The following KCNQ3 variants were observed in gnomAD, a reference collection of about 807,000 sequenced individuals.
KCNQ3 encodes potassium voltage-gated channel subfamily KQT member 3.
Under a neutral mutation model 92.5 loss-of-function variants are expected in KCNQ3, and 30 were observed. The ratio of observed to expected loss-of-function variants is 0.32; its 90% CI spans 0.24 to 0.44. The LOEUF (loss-of-function observed/expected upper bound fraction) is 0.44, where lower values mean the gene tolerates loss of function less well. Among genes scored for constraint, KCNQ3 ranks in the 20% least tolerant of loss-of-function variants. KCNQ3 has a pLI of 1.00. For missense variants in KCNQ3, 913 were observed against 1,140.3 expected, an observed-to-expected ratio of 0.80 and a Z score of 2.87; for synonymous variants, 450 against 468.8, an observed-to-expected ratio of 0.96 and a Z score of 0.52.
At chr8:132,322,201 C>A (rs2130638807) in intron 1 of KCNQ3, among the ~76,000 whole-genome samples, 1 of 152,248 alleles carries the variant, frequency 6.6e-6, no homozygotes. Context: ...GCCAATTAAC[C>A]AGTTTGAATT....
At chr8:132,445,173 C>G (rs1326314747) in intron 1 of KCNQ3, among the ~76,000 whole-genome samples, 1 of 152,156 alleles carries the variant, frequency 6.6e-6, no homozygotes, top group African/African-American at 2.4e-5. Context: ...ACATTTGGAG[C>G]CAAGTCCCAA....
intron 9 of KCNQ3, among the ~76,000 whole-genome samples, chr8:132,160,214 T>C (rs1825942145): frequency 6.6e-6 from 1 of 152,138 alleles, no homozygotes; most frequent in African/African-American, 2.4e-5. Flanking sequence ...AGATCATGCG[T>C]CCATTGTATT....
intron 1 of KCNQ3, among the ~76,000 whole-genome samples, chr8:132,460,610 A>G (rs888314813): frequency 5.3e-5 from 8 of 152,206 alleles, no homozygotes; most frequent in African/African-American, 7.2e-5. Context: ...TCATTGCCAA[A>G]GTTGCTTAGG....
At chr8:132,193,655 G>C (rs1012746221) in intron 1 of KCNQ3, among the ~76,000 whole-genome samples, 1 of 152,162 alleles carries the variant, frequency 6.6e-6, no homozygotes, top group Admixed American at 6.5e-5. Flanking sequence ...AGACAAACAC[G>C]GTGAAAACAT....
Position 132,206,133 on chromosome 8 carries a change from G to A in KCNQ3, c.387-19952C>T, listed in dbSNP as rs142219069. ...CTGCCCCATGTCTTTCCAGCCATAA[G>A]GATGTCTCAGAATGGCTTGGGGCTT... On this transcript the variant is annotated intron_variant, in intron 1 of 14. Coordinates refer to ENST00000388996, the MANE Select transcript of KCNQ3 (RefSeq NM_004519.4). 2.5e-3 allele frequency among the ~76,000 whole-genome samples: 374 copies of A among 152,264 alleles called. 1 individual carries two copies. The highest frequency in any genetic ancestry group is 8.5e-3 in the African/African-American group (354 of 41,540).
intron 8 of KCNQ3, among the ~76,000 whole-genome samples, chr8:132,165,683 T>C (rs1826124366): frequency 6.6e-6 from 1 of 152,222 alleles, no homozygotes; most frequent in Admixed American, 6.5e-5. Context: ...TCCAGTTTTC[T>C]CCCTAAATAA....
intron 1 of KCNQ3, among the ~76,000 whole-genome samples, chr8:132,216,582 T>C (rs895441428): frequency 2.6e-5 from 4 of 152,150 alleles, no homozygotes; most frequent in African/African-American, 9.7e-5. Context: ...TCAATTGACA[T>C]CTGGGTTTCG....
chr8:132,467,973 G>T (rs1202586586), intron 1 of KCNQ3, among the ~76,000 whole-genome samples: 6 of 152,154 alleles, frequency 3.9e-5, no homozygotes, highest in Non-Finnish European at 8.8e-5. Flanking sequence ...GTTTCAAATG[G>T]CCCTGGGCCT....
chr8:132,314,436 C>T (rs866284346), intron 1 of KCNQ3, among the ~76,000 whole-genome samples: 1 of 152,026 alleles, frequency 6.6e-6, no homozygotes, highest in Non-Finnish European at 1.5e-5. Context: ...CTAACAAAAC[C>T]CAAAGATTTT....
rs117317829 is a variant in KCNQ3, at chr8:132,360,969, C to G, written c.386+119178G>C. Among the ~76,000 whole-genome samples the G allele has an allele frequency of 3.3e-3, 505 of 152,296 alleles. 4 individuals carry two copies. Among genetic ancestry groups the G allele is most frequent in the Non-Finnish European group, 6.1e-3 (415 of 68,028 alleles). ...CCTTCAGGGCCATGCTTCCACCAGGCTACTGCTTGGCTCTTCATTATGGCC... is the reference window on the plus strand; with the variant it reads ...CCTTCAGGGCCATGCTTCCACCAGGGTACTGCTTGGCTCTTCATTATGGCC... On this transcript the variant is annotated intron_variant, in intron 1 of 14. Coordinates refer to ENST00000388996, the MANE Select transcript of KCNQ3 (RefSeq NM_004519.4).
At chr8:132,412,711 C>A (rs1487363289) in intron 1 of KCNQ3, among the ~76,000 whole-genome samples, 1 of 152,118 alleles carries the variant, frequency 6.6e-6, no homozygotes, top group Non-Finnish European at 1.5e-5. Flanking sequence ...GCAATGAAGG[C>A]AGGATAGCAT....
intron 1 of KCNQ3, among the ~76,000 whole-genome samples, chr8:132,200,125 A>G (rs1563801489): frequency 6.6e-6 from 1 of 152,152 alleles, no homozygotes; most frequent in Non-Finnish European, 1.5e-5. Flanking sequence ...ATACCTATAA[A>G]TAACACAGAC....
chr8:132,182,097 C>T (rs1291532547), intron 3 of KCNQ3, among the ~76,000 whole-genome samples: 1 of 151,936 alleles, frequency 6.6e-6, no homozygotes, highest in African/African-American at 2.4e-5. Context: ...AAGCTGATGC[C>T]TTTCCTACCT....
At chr8:132,274,917 T>C (rs1223045378) in intron 1 of KCNQ3, among the ~76,000 whole-genome samples, 1 of 151,912 alleles carries the variant, frequency 6.6e-6, no homozygotes. Flanking sequence ...ACAGGACTGG[T>C]CAAAGAAAGC....
intron 1 of KCNQ3, among the ~76,000 whole-genome samples, chr8:132,208,981 C>CAA (rs1813762119): frequency 6.6e-6 from 1 of 152,060 alleles, no homozygotes; most frequent in Non-Finnish European, 1.5e-5. Context: ...GGCCTCTGGG[C>CAA]TATTGCAAAG....
chr8:132,341,601 A>G (rs1222048991), intron 1 of KCNQ3, among the ~76,000 whole-genome samples: 2 of 152,244 alleles, frequency 1.3e-5, no homozygotes, highest in Non-Finnish European at 2.9e-5. Flanking sequence ...GAATAACTGA[A>G]TAAACAAAGA....
At chr8:132,339,640 C>T (rs778261670) in intron 1 of KCNQ3, among the ~76,000 whole-genome samples, 2 of 149,328 alleles carry the variant, frequency 1.3e-5, no homozygotes, top group East Asian at 4.0e-4. Flanking sequence ...ACCAAGGAGG[C>T]AGAGGTTGGA....
In KCNQ3 at chr8:132,122,325, T is replaced by C. The variant is rs575061194; in HGVS notation, c.*6937A>G. On this transcript the variant is annotated 3_prime_UTR_variant, in exon 15 of 15. Coordinates refer to ENST00000388996, the MANE Select transcript of KCNQ3 (RefSeq NM_004519.4). ...AAGGAGTGCTTAGGATAAGTTTCTC[T>C]CCCCTTCCCTGACCTCACTTTTGTG... 10 of 152,162 alleles carry C rather than the reference T, an allele frequency of 6.6e-5. No individual in the cohort carries two copies. Among genetic ancestry groups the C allele is most frequent in the Non-Finnish European group, 1.5e-4 (10 of 68,026 alleles). 9.4% of individuals were successfully genotyped at this position (152,162 alleles called of 1,614,324 possible).
In KCNQ3 at chr8:132,123,494, T is replaced by C. The variant is rs1206353571; in HGVS notation, c.*5768A>G. ...AGAGAAGGGAAGAAGTCCCCAAAGGTATGTCCGGTTTAACAGTTTCTCAAG... is the reference window on the plus strand; with the variant it reads ...AGAGAAGGGAAGAAGTCCCCAAAGGCATGTCCGGTTTAACAGTTTCTCAAG... On this transcript the variant is annotated 3_prime_UTR_variant, in exon 15 of 15. Coordinates refer to ENST00000388996, the MANE Select transcript of KCNQ3 (RefSeq NM_004519.4). 6.6e-6 allele frequency: 1 copy of C among 152,208 alleles called. No individual in the cohort carries two copies. The highest frequency in any genetic ancestry group is 1.9e-4 in the East Asian group (1 of 5,190). The allele number at this position is 152,208 out of a possible 1,614,324, so 9.4% of individuals were successfully genotyped here.
Sources: gnomAD v4.1 joint callset for allele counts (sites outside exome capture counted in the v4.1 genomes callset) on GRCh38, gnomAD v4.1.1 for gene constraint, MANE v1.5 for transcripts, NCBI Gene and HGNC (gene_info 2026-07-23, HGNC 2026-07-21) for gene names.